The following JAML variants were observed in gnomAD, a reference collection of about 807,000 sequenced individuals.
JAML encodes the protein junction adhesion molecule like.
Under a neutral mutation model 39.3 loss-of-function variants are expected in JAML, and 25 were observed. That is an observed-to-expected ratio of 0.64 (90% confidence interval 0.46 to 0.89). The LOEUF is 0.89. Among genes scored for constraint, JAML ranks in the 40% least tolerant of loss-of-function variants. JAML has a pLI of 0.00. For missense variants in JAML, 440 were observed against 486.9 expected, an observed-to-expected ratio of 0.90 and a Z score of 0.91; for synonymous variants, 162 against 179.2, an observed-to-expected ratio of 0.90 and a Z score of 0.77.
At chr11:118,198,318 A>C (rs1389548544) in intron 7 of JAML, among the ~76,000 whole-genome samples, 1 of 152,234 alleles carries the variant, frequency 6.6e-6, no homozygotes, top group Non-Finnish European at 1.5e-5. Flanking sequence ...GCTGAAAAGC[A>C]GCTTCAACTT....
intron 1 of JAML, among the ~76,000 whole-genome samples, chr11:118,220,099 G>A (rs1183918218): frequency 6.6e-6 from 1 of 152,192 alleles, no homozygotes; most frequent in Non-Finnish European, 1.5e-5. Flanking sequence ...GGCACACATG[G>A]TTTGGGGAAC....
At chr11:118,199,902 T>G (rs1285637070) in intron 7 of JAML, among the ~76,000 whole-genome samples, 1 of 151,978 alleles carries the variant, frequency 6.6e-6, no homozygotes, top group Non-Finnish European at 1.5e-5. Flanking sequence ...TTCACCGTGT[T>G]AGCAAGGATG....
At position 118,194,235 on chromosome 11, in the gene JAML, C is replaced by T. The variant is rs544488269; in HGVS notation, c.*90G>A. On this transcript the variant is annotated 3_prime_UTR_variant, in exon 10 of 10. Coordinates refer to ENST00000356289, the MANE Select transcript of JAML (RefSeq NM_001098526.2). ...TGAGACAGGAGGACAGCTGGGAGAG[C>T]GGGAGTCTGAAATCACTGGTAGAGT... The T allele has an allele frequency of 7.5e-5, 83 of 1,108,700 alleles. No homozygotes were observed. The highest frequency in any genetic ancestry group is 1.0e-4 in the Non-Finnish European group (74 of 726,962). 68.7% of individuals were successfully genotyped at this position (1,108,700 alleles called of 1,614,324 possible).
intron 6 of JAML, chr11:118,201,866 T>TTA (rs1948807470): frequency 6.6e-6 from 1 of 152,158 alleles, no homozygotes. Flanking sequence ...AGGCATCTAG[T>TTA]TAGACAACTG....
At chr11:118,197,523 T>C (rs930052842) in intron 8 of JAML, 4 of 154,558 alleles carry the variant, frequency 2.6e-5, no homozygotes, top group African/African-American at 9.6e-5. Context: ...CTTGCTAAGA[T>C]CTTAGACTAT....
At chr11:118,219,523 C>T (rs977411895) in intron 1 of JAML, among the ~76,000 whole-genome samples, 1 of 152,204 alleles carries the variant, frequency 6.6e-6, no homozygotes, top group African/African-American at 2.4e-5. Context: ...ACAGGTAGCC[C>T]CCTCCAGCAC....
In JAML at chr11:118,210,578, C is replaced by A. The variant is rs139332902; in HGVS notation, c.333G>T (p.Gln111His). ...LLLQDVQEAD[Q>H]GTYICEIRLK... ...GGCGGATTTCACAGATATAGGTTCC[C>A]TGGTCAGCCTCTTGCACATCTTGGA... is the stretch of plus-strand genomic sequence containing the variant. Residue 111 changes from glutamine (Q) to histidine (H), a missense_variant, in exon 4 of 10, where the codon CAG (glutamine) becomes CAT (histidine). Physicochemically the swap from Gln to His is conservative, Grantham distance 24. Transcript: ENST00000356289. The A allele has an allele frequency of 2.2e-5, 36 of 1,614,218 alleles. No individual in the cohort carries two copies. The highest frequency in any genetic ancestry group is 3.0e-5 in the Non-Finnish European group (35 of 1,180,028).
intron 2 of JAML, chr11:118,213,279 T>C: frequency 1.8e-6 from 2 of 1,118,910 alleles, no homozygotes; most frequent in East Asian, 5.9e-5. Context: ...TCACAAGATA[T>C]GCTCTATGCA....
Position 118,194,012 on chromosome 11 carries a change from C to A in JAML, c.*313G>T. ...CTGATTCTTCCCAGTAACTCATCCACTAAGAACCCTGCCCACAGGAGGGTC... is the reference window on the plus strand; with the variant it reads ...CTGATTCTTCCCAGTAACTCATCCAATAAGAACCCTGCCCACAGGAGGGTC... On this transcript the variant is annotated 3_prime_UTR_variant, in exon 10 of 10. Coordinates refer to ENST00000356289, the MANE Select transcript of JAML (RefSeq NM_001098526.2). 1 of 299,798 alleles carries A rather than the reference C, an allele frequency of 3.3e-6. No individual in the cohort carries two copies. The highest frequency in any genetic ancestry group is 6.5e-6 in the Non-Finnish European group (1 of 154,636). 18.6% of individuals were successfully genotyped at this position (299,798 alleles called of 1,614,324 possible).
chr11:118,206,027 T>C, intron 4 of JAML, 36 bp from the exon 5 acceptor site: 1 of 1,545,710 alleles, frequency 6.5e-7, no homozygotes, highest in South Asian at 1.1e-5. Context: ...CAGACTCAAG[T>C]TATAATCTAT....
chr11:118,205,570 G>A (rs970390749), intron 5 of JAML: 2 of 289,352 alleles, frequency 6.9e-6, no homozygotes, highest in African/African-American at 2.2e-5. Context: ...ATTCTCCCAT[G>A]GACTCTATAC....
chr11:118,199,503 A>G (rs995128977), intron 7 of JAML, among the ~76,000 whole-genome samples: 1 of 151,960 alleles, frequency 6.6e-6, no homozygotes, highest in Non-Finnish European at 1.5e-5. Context: ...TCCCACTGAC[A>G]CTATTTCAAC....
At chr11:118,194,485 C>A in intron 9 of JAML, 68 bp from the exon 10 acceptor site, 2 of 1,312,336 alleles carry the variant, frequency 1.5e-6, no homozygotes, top group Non-Finnish European at 2.2e-6. Context: ...ATAGCAGCTG[C>A]TGTTCATTGA....
intron 4 of JAML, among the ~76,000 whole-genome samples, 160 bp from the exon 5 acceptor site, chr11:118,206,151 G>A (rs1948911776): frequency 6.6e-6 from 1 of 152,114 alleles, no homozygotes; most frequent in Non-Finnish European, 1.5e-5. Flanking sequence ...TCCCTCTGTG[G>A]GTGATCCAGA....
Position 118,222,923 on chromosome 11 carries a change from C to T in JAML, c.-21+2018G>A, listed in dbSNP as rs1215950360. On this transcript the variant is annotated intron_variant, in intron 1 of 9. Coordinates refer to ENST00000356289, the MANE Select transcript of JAML (RefSeq NM_001098526.2). This position sits in a 1 kb window ranked among gnomAD's most constrained non-coding sequence, Gnocchi z 4.2. ...CAGCCTGGCCAACATGGCAAAACCC[C>T]GTCTCTACTAAAAATACAAAAATTA... 4.6e-5 allele frequency among the ~76,000 whole-genome samples: 7 copies of T among 151,916 alleles called. No individual in the cohort carries two copies. The highest frequency in any genetic ancestry group is 7.4e-5 in the Non-Finnish European group (5 of 67,920).
chr11:118,210,703 C>G lies in JAML; in HGVS notation c.208G>C (p.Val70Leu). The change falls in exon 4 of 10, where the codon GTG (valine) becomes CTG (leucine). Residue 70 changes from valine (V) to leucine (L), a missense_variant. Coordinates refer to ENST00000356289, the MANE Select transcript of JAML (RefSeq NM_001098526.2). ...CTGAGATTGGAGTAATAGTATAGCA[C>G]ATATTCGTCCTGAAGGGCAAAACAG... ...SPGEHAKDEY[V>L]LYYYSNLSVP... 1 of 1,614,026 alleles carries G rather than the reference C, an allele frequency of 6.2e-7. No homozygotes were observed.
Position 118,224,167 on chromosome 11 carries a change from GTAGGTCACGTGGCTTCTGTAACACAGTC to G in JAML, c.-21+746_-21+773del, listed in dbSNP as rs1194088161. On this transcript the variant is annotated intron_variant, in intron 1 of 9. Transcript: ENST00000356289. ...TTGTTAAGCCATTGAATACAGACTG[GTAGGTCACGTGGCTTCTGTAACACAGTC>G]TAGGTCACATCGGTTAATGCTCTAC... 5.3e-5 allele frequency: 8 copies of G among 152,334 alleles called. No homozygotes were observed. In the East Asian group the frequency reaches 1.5e-3, roughly 29 times the overall value. The allele number at this position is 152,334 out of a possible 1,614,324, so 9.4% of individuals were successfully genotyped here.
intron 5 of JAML, chr11:118,204,817 G>A (rs1948883762): frequency 6.6e-6 from 1 of 151,894 alleles, no homozygotes; most frequent in Non-Finnish European, 1.5e-5. Context: ...TCTTCATATA[G>A]CAGATTCTTT....
At chr11:118,215,499 T>G (rs1451191106) in intron 1 of JAML, among the ~76,000 whole-genome samples, 1 of 151,000 alleles carries the variant, frequency 6.6e-6, no homozygotes, top group South Asian at 2.1e-4. Flanking sequence ...ACAGGCATGC[T>G]ACACCACACT....
Sources: gnomAD v4.1 joint callset for allele counts (sites outside exome capture counted in the v4.1 genomes callset) on GRCh38, gnomAD v4.1.1 for gene constraint, Gnocchi (gnomAD v3.1) non-coding constraint, MANE v1.5 for transcripts, NCBI Gene and HGNC (gene_info 2026-07-23, HGNC 2026-07-21) for gene names.